Variants in ERC2 observed in about 807,000 individuals in gnomAD.
The protein encoded by ERC2 is ERC protein 2.
Under a neutral mutation model 114.8 loss-of-function variants are expected in ERC2, and 42 were observed. That is an observed-to-expected ratio of 0.37 (90% CI 0.29 to 0.47). The LOEUF (loss-of-function observed/expected upper bound fraction) is 0.47. Ranked by LOEUF, ERC2 falls within the 20% of genes least tolerant of loss-of-function variation. The pLI is 0.99. For missense variants in ERC2, 939 were observed against 1,150.7 expected, an observed-to-expected ratio of 0.82 and a Z score of 2.66; for synonymous variants, 454 against 425.5, an observed-to-expected ratio of 1.07 and a Z score of -0.82.
intron 15 of ERC2, among the ~76,000 whole-genome samples, chr3:55,730,654 T>C (rs973823362): frequency 1.3e-5 from 2 of 152,158 alleles, no homozygotes; most frequent in African/African-American, 2.4e-5. Context: ...GAAGACTGCT[T>C]GAGCCCAGGA....
At chr3:56,344,399 T>G (rs2058225069) in intron 2 of ERC2, among the ~76,000 whole-genome samples, 1 of 152,170 alleles carries the variant, frequency 6.6e-6, no homozygotes, top group Admixed American at 6.5e-5. Flanking sequence ...AGATGGTCTG[T>G]TGAGCACAAA....
rs200200239 is a variant in ERC2 at position 55,926,428 on chromosome 3, A to AAC, written c.2403+23996_2403+23997insGT. 8.4e-3 allele frequency among the ~76,000 whole-genome samples: 1,272 copies of AAC among 151,202 alleles called. 6 individuals are homozygous for AAC. Among genetic ancestry groups the AAC allele is most frequent in the Non-Finnish European group, 0.014 (938 of 67,724 alleles). On this transcript the variant is annotated intron_variant, in intron 13 of 17. Coordinates refer to ENST00000288221, the MANE Select transcript of ERC2 (RefSeq NM_015576.3). ...GTTTTTTGTTTTTAAAAAAAAAAAA[A>AAC]CTAAAAGATCGAAGTCCTACACCTT...
chr3:55,846,177 C>T (rs769181937), intron 14 of ERC2, among the ~76,000 whole-genome samples: 1 of 152,152 alleles, frequency 6.6e-6, no homozygotes, highest in Non-Finnish European at 1.5e-5. Context: ...GTTCCAGAGT[C>T]TGTTGTTTCC....
At chr3:55,593,228 G>A (rs2057981690) in intron 17 of ERC2, among the ~76,000 whole-genome samples, 2 of 152,132 alleles carry the variant, frequency 1.3e-5, no homozygotes, top group Non-Finnish European at 2.9e-5. Context: ...TCCTTGCCTT[G>A]GTGCAAATCA....
chr3:55,619,242 A>C (rs938504184), intron 17 of ERC2, among the ~76,000 whole-genome samples: 1 of 152,226 alleles, frequency 6.6e-6, no homozygotes, highest in Non-Finnish European at 1.5e-5. Flanking sequence ...TGGAAACTGG[A>C]CAAATTCTGA....
At chr3:55,713,368 G>A (rs1576267288) in intron 15 of ERC2, among the ~76,000 whole-genome samples, 1 of 152,004 alleles carries the variant, frequency 6.6e-6, no homozygotes, top group East Asian at 1.9e-4. Context: ...CCGCCACCAT[G>A]CCTGGTTAAT....
chr3:56,414,703 C>T (rs1291052928), intron 2 of ERC2, among the ~76,000 whole-genome samples: 9 of 145,968 alleles, frequency 6.2e-5, no homozygotes, highest in Admixed American at 2.1e-4. Flanking sequence ...CCACCCAGGG[C>T]GACAGAGCGA....
intron 3 of ERC2, among the ~76,000 whole-genome samples, chr3:56,178,452 A>G (rs2083102161): frequency 6.6e-6 from 1 of 152,114 alleles, no homozygotes; most frequent in Non-Finnish European, 1.5e-5. Flanking sequence ...TTTATTACCT[A>G]ACCTTGAAAG....
chr3:56,220,575 C>T (rs576062425), intron 3 of ERC2, among the ~76,000 whole-genome samples: 1 of 152,348 alleles, frequency 6.6e-6, no homozygotes, highest in Admixed American at 6.5e-5. Context: ...GTCAGCAATG[C>T]CACTGTAGCT....
intron 11 of ERC2, 59 bp downstream of exon 11, chr3:55,991,998 G>C (rs1232778612): frequency 6.7e-7 from 1 of 1,499,844 alleles, no homozygotes; most frequent in Non-Finnish European, 9.1e-7. Flanking sequence ...ACCGGAGATG[G>C]GCAACCACGC....
At chr3:55,664,231 T>C (rs1395320994) in intron 17 of ERC2, among the ~76,000 whole-genome samples, 1 of 152,130 alleles carries the variant, frequency 6.6e-6, no homozygotes, top group Non-Finnish European at 1.5e-5. Context: ...CCAGACCTAA[T>C]GGAATCAGAA....
chr3:55,929,062 C>T (rs1341860849), intron 13 of ERC2, among the ~76,000 whole-genome samples: 1 of 152,078 alleles, frequency 6.6e-6, no homozygotes, highest in Non-Finnish European at 1.5e-5. Context: ...GTGGGGAGTA[C>T]TCCCCATCTC....
At chr3:55,674,814 G>A (rs2148748295) in intron 17 of ERC2, among the ~76,000 whole-genome samples, 1 of 152,270 alleles carries the variant, frequency 6.6e-6, no homozygotes, top group Middle Eastern at 3.4e-3. Flanking sequence ...TTGGGGACTG[G>A]CAGATTTTAA....
intron 14 of ERC2, among the ~76,000 whole-genome samples, chr3:55,748,030 G>A (rs894607386): frequency 2.0e-5 from 3 of 152,214 alleles, no homozygotes; most frequent in Non-Finnish European, 4.4e-5. Context: ...GCTGCAGAAG[G>A]AAAGGGTCTG....
At chr3:55,679,722 C>T (rs1426239375) in intron 17 of ERC2, among the ~76,000 whole-genome samples, 1 of 152,234 alleles carries the variant, frequency 6.6e-6, no homozygotes, top group Non-Finnish European at 1.5e-5. Context: ...TTAAAAGCAG[C>T]AGTAGCTACC....
chr3:56,131,116 A>AT (rs928722551), intron 6 of ERC2, among the ~76,000 whole-genome samples: 1 of 151,992 alleles, frequency 6.6e-6, no homozygotes, highest in Non-Finnish European at 1.5e-5. Flanking sequence ...GGTTCCCAAC[A>AT]TTTTTTTTCC....
At chr3:56,390,637 C>G (rs1012107759) in intron 2 of ERC2, among the ~76,000 whole-genome samples, 4 of 152,164 alleles carry the variant, frequency 2.6e-5, no homozygotes, top group African/African-American at 9.7e-5. Flanking sequence ...AATACAATAG[C>G]TGGATATACA....
At chr3:56,016,550 T>G (rs1389451401) in intron 8 of ERC2, among the ~76,000 whole-genome samples, 1 of 151,990 alleles carries the variant, frequency 6.6e-6, no homozygotes, top group Non-Finnish European at 1.5e-5. Context: ...CACGATGACT[T>G]GGGGAACTTG....
At chr3:55,682,819 A>G (rs2062123498) in intron 17 of ERC2, among the ~76,000 whole-genome samples, 1 of 152,200 alleles carries the variant, frequency 6.6e-6, no homozygotes, top group African/African-American at 2.4e-5. Context: ...AAAACATCAT[A>G]TGCAATGTTA....
Sources: allele counts gnomAD v4.1 joint callset (sites outside exome capture counted in the v4.1 genomes callset), GRCh38; gene constraint gnomAD v4.1.1; transcripts MANE v1.5; gene names NCBI Gene and HGNC (gene_info 2026-07-23, HGNC 2026-07-21).